HEATR4: variants seen among roughly 807,000 people sequenced by gnomAD.
HEATR4 encodes HEAT repeat containing 4.
A neutral mutation model predicts 108.8 loss-of-function variants in HEATR4; 95 were observed. The observed-to-expected ratio is 0.87, with a 90% CI of 0.74 to 1.04. The LOEUF (loss-of-function observed/expected upper bound fraction) is 1.04, where lower values mean the gene tolerates loss of function less well. Ranked by LOEUF, HEATR4 falls within the 50% of genes least tolerant of loss-of-function variation. The pLI is 0.00. For synonymous variants in HEATR4, 443 were observed against 459.4 expected, an observed-to-expected ratio of 0.96 and a Z score of 0.46; for missense variants, 1,152 against 1,253.8, an observed-to-expected ratio of 0.92 and a Z score of 1.23.
intron 6 of HEATR4, among the ~76,000 whole-genome samples, chr14:73,513,425 CACTCCGGCCTGGGCAACAGAGTGAA>C (rs2140283317): frequency 6.7e-6 from 1 of 148,768 alleles, no homozygotes; most frequent in Non-Finnish European, 1.5e-5. Flanking sequence ...AGTGCCATGG[CACTCCGGCCTGGGCAACAGAGTGAA>C]ATTCCATCTC....
the HEATR4 span, chr14:73,612,605 C>G: frequency 2.8e-6 from 4 of 1,417,142 alleles, no homozygotes; most frequent in Non-Finnish European, 3.7e-6. Flanking sequence ...GCCCGCGGGC[C>G]GCTGCTGCTG....
chr14:73,508,093 T>A (rs746207140), intron 9 of HEATR4, 41 bp downstream of exon 9: 2 of 1,590,758 alleles, frequency 1.3e-6, no homozygotes, highest in African/African-American at 1.3e-5. Flanking sequence ...AAGACCTAAT[T>A]GCTCCCCAAA....
the HEATR4 span, among the ~76,000 whole-genome samples, chr14:73,610,593 G>T: frequency 3.6e-4 from 55 of 152,140 alleles, no homozygotes; most frequent in South Asian, 0.011. Flanking sequence ...GCCCGACCAA[G>T]GTGCCATATT....
At chr14:73,501,372 G>T (rs1198525115) in intron 11 of HEATR4, among the ~76,000 whole-genome samples, 6 of 151,832 alleles carry the variant, frequency 4.0e-5, no homozygotes, top group Non-Finnish European at 7.4e-5. Context: ...TGATCTGCCC[G>T]CCTCGGCCTC....
At chr14:73,480,459 C>T (rs1206621539) in intron 17 of HEATR4, among the ~76,000 whole-genome samples, 1 of 151,900 alleles carries the variant, frequency 6.6e-6, no homozygotes, top group Non-Finnish European at 1.5e-5. Flanking sequence ...AAAGATTAAT[C>T]AATTATAATG....
chr14:73,614,746 CAAAAA>C, the HEATR4 span, among the ~76,000 whole-genome samples: 1 of 113,028 alleles, frequency 8.8e-6, no homozygotes. Flanking sequence ...GACCCTGTCT[CAAAAA>C]AAAAAAAAAA....
the HEATR4 span, chr14:73,610,836 C>T: frequency 1.3e-5 from 2 of 152,290 alleles, no homozygotes; most frequent in African/African-American, 4.8e-5. Context: ...ATAGCCCTGG[C>T]TCTATTCCAG....
At chr14:73,589,081 G>A in the HEATR4 span, among the ~76,000 whole-genome samples, 3 of 152,024 alleles carry the variant, frequency 2.0e-5, no homozygotes, top group Non-Finnish European at 2.9e-5. Context: ...AACCTTCACT[G>A]ACATACCATT....
At chr14:73,601,362 G>A in the HEATR4 span, among the ~76,000 whole-genome samples, 5 of 152,194 alleles carry the variant, frequency 3.3e-5, no homozygotes, top group East Asian at 1.9e-4. Context: ...TCAGGAGTTC[G>A]AGACCAGCTT....
chr14:73,619,799 A>G, the HEATR4 span: 3 of 1,609,728 alleles, frequency 1.9e-6, no homozygotes, highest in Non-Finnish European at 1.7e-6. Flanking sequence ...TTCCATAAAC[A>G]TCTCAATGGT....
At chr14:73,597,903 T>C in the HEATR4 span, among the ~76,000 whole-genome samples, 1 of 151,686 alleles carries the variant, frequency 6.6e-6, no homozygotes, top group Non-Finnish European at 1.5e-5. Flanking sequence ...TTTATTTCTT[T>C]TGTAGAGATG....
At chr14:73,605,443 A>G in the HEATR4 span, among the ~76,000 whole-genome samples, 1 of 152,064 alleles carries the variant, frequency 6.6e-6, no homozygotes, top group Non-Finnish European at 1.5e-5. Flanking sequence ...AACAAAGATG[A>G]TAACAGCCCT....
At chr14:73,581,187 G>GT in the HEATR4 span, 1 of 146,268 alleles carries the variant, frequency 6.8e-6, no homozygotes, top group Non-Finnish European at 1.5e-5. Flanking sequence ...TTCAACTGCT[G>GT]TAACAAGATG....
Position 73,496,645 on chromosome 14 carries a change from CTAAGT to C in HEATR4, c.2576_2580del (p.Asn859ArgfsTer3). On this transcript the variant is annotated frameshift_variant, in exon 15 of 18. Transcript: ENST00000553558. LOFTEE classifies it high-confidence loss of function. ...AGCATTTCTTGGTTTCCTTCATTTC[CTAAGT>C]TGAGTATCTTCATTGTCTGGTACAT... is the stretch of plus-strand genomic sequence containing the variant. The C allele has an allele frequency of 6.3e-7, 1 of 1,599,240 alleles. No individual in the cohort carries two copies. The highest frequency in any genetic ancestry group is 8.6e-7 in the Non-Finnish European group (1 of 1,166,684).
chr14:73,562,163 G>A (rs1000819588), upstream of HEATR4, among the ~76,000 whole-genome samples: 1 of 151,952 alleles, frequency 6.6e-6, no homozygotes, highest in East Asian at 1.9e-4. Flanking sequence ...GGTGGCAGTG[G>A]GGAATAAGGA....
At chr14:73,552,891 A>G (rs1426004504) in intron 1 of HEATR4, among the ~76,000 whole-genome samples, 1 of 108,974 alleles carries the variant, frequency 9.2e-6, no homozygotes, top group Non-Finnish European at 2.0e-5. Context: ...GGTGCCACCC[A>G]GGCCTGTCTG....
At chr14:73,522,070 A>G (rs1888004750) in intron 3 of HEATR4, among the ~76,000 whole-genome samples, 1 of 152,224 alleles carries the variant, frequency 6.6e-6, no homozygotes, top group Admixed American at 6.5e-5. Flanking sequence ...AGCTCCCACA[A>G]CAAAAATTAT....
chr14:73,560,127 A>C (rs376006923), upstream of HEATR4, among the ~76,000 whole-genome samples: 3 of 152,142 alleles, frequency 2.0e-5, no homozygotes, highest in East Asian at 5.8e-4. Flanking sequence ...CAGATACAGA[A>C]ATTCTGATCT....
chr14:73,506,146 C>T (rs1886808642), intron 10 of HEATR4, among the ~76,000 whole-genome samples: 1 of 152,134 alleles, frequency 6.6e-6, no homozygotes, highest in Non-Finnish European at 1.5e-5. Context: ...GCCTTGGCCT[C>T]CCCAAGTGCT....
Sources: gnomAD v4.1 joint callset for allele counts (sites outside exome capture counted in the v4.1 genomes callset) on GRCh38, gnomAD v4.1.1 for gene constraint, MANE v1.5 for transcripts, NCBI Gene and HGNC (gene_info 2026-07-23, HGNC 2026-07-21) for gene names.